The following KANTR variants were observed in gnomAD, a reference collection of about 807,000 sequenced individuals.
KANTR encodes KANTR integral membrane protein.
chrX:53,129,259 G>GTGTGTGTGTGTA (rs1933331342), downstream of KANTR, among the ~76,000 whole-genome samples: 1 of 105,582 alleles, frequency 9.5e-6, no homozygotes, highest in Non-Finnish European at 2.0e-5. Context: ...GTGTGTGTGT[G>GTGTGTGTGTGTA]TGTGTGTGTT....
At chrX:53,113,324 C>CAAA in intron 2 of KANTR, 4 of 62,199 alleles carry the variant, frequency 6.4e-5, no homozygotes, top group East Asian at 4.9e-4. Flanking sequence ...AAAACACACA[C>CAAA]ACAAAAAAAA....
chrX:53,126,244 A>G (rs1167754503), exon 3 of KANTR: 1 of 111,133 alleles, frequency 9.0e-6, no homozygotes, highest in African/African-American at 3.3e-5. Flanking sequence ...CATGCTTTTC[A>G]TAATTTCTGG....
chrX:53,098,834 TC>T (rs1932866469), intron 1 of KANTR, among the ~76,000 whole-genome samples: 1 of 110,643 alleles, frequency 9.0e-6, no homozygotes, highest in Admixed American at 9.7e-5. Flanking sequence ...CAAGCAATCT[TC>T]CCACCTCAGC....
At chrX:53,102,720 C>T (rs1173422919) in intron 2 of KANTR, among the ~76,000 whole-genome samples, 2 of 111,266 alleles carry the variant, frequency 1.8e-5, no homozygotes, top group African/African-American at 3.3e-5. Flanking sequence ...CAGAATATAC[C>T]ATCAGCTACC....
chrX:53,113,941 C>G (rs1380702758), intron 2 of KANTR, among the ~76,000 whole-genome samples: 1 of 110,155 alleles, frequency 9.1e-6, no homozygotes, highest in Non-Finnish European at 1.9e-5. Flanking sequence ...CTCTGTCACC[C>G]AGGCTGGAGT....
downstream of KANTR, chrX:53,142,732 T>G (rs782137455): frequency 1.9e-4 from 82 of 424,039 alleles, no homozygotes; most frequent in African/African-American, 1.7e-3. Context: ...GCACATCTGC[T>G]CGCAGTCCAT....
At chrX:53,129,235 T>TTGTGTGTGTGTG (rs57493383), downstream of KANTR, among the ~76,000 whole-genome samples, 38,855 of 83,096 alleles carry the variant, frequency 0.47, 9,218 homozygotes, top group East Asian at 0.6. Flanking sequence ...GCCTGGCTAT[T>TTGTGTGTGTGTG]TGTGTGTGTG....
chrX:53,132,256 CATA>C (rs1933368280), downstream of KANTR, among the ~76,000 whole-genome samples: 1 of 111,756 alleles, frequency 8.9e-6, no homozygotes, highest in Non-Finnish European at 1.9e-5. Flanking sequence ...TCCTAAAATT[CATA>C]TGGAAAGGCA....
chrX:53,097,903 T>C (rs868977421), intron 1 of KANTR, among the ~76,000 whole-genome samples: 1 of 105,542 alleles, frequency 9.5e-6, no homozygotes, highest in Admixed American at 1.0e-4. Flanking sequence ...ATACAAAAAT[T>C]AGCTGGGTGT....
At chrX:53,122,892 C>A (rs1236322291) in intron 2 of KANTR, among the ~76,000 whole-genome samples, 1 of 111,149 alleles carries the variant, frequency 9.0e-6, no homozygotes, top group Non-Finnish European at 1.9e-5. Context: ...CTTTCTCAGG[C>A]TGTTCTTATT....
At chrX:53,129,298 C>T (rs1251739345), downstream of KANTR, among the ~76,000 whole-genome samples, 3 of 101,119 alleles carry the variant, frequency 3.0e-5, no homozygotes, top group South Asian at 9.2e-4. Context: ...ACTGTGTTAG[C>T]CAGGATGGTC....
intron 2 of KANTR, among the ~76,000 whole-genome samples, chrX:53,109,441 C>T (rs1370981479): frequency 1.8e-5 from 2 of 111,054 alleles, no homozygotes; most frequent in African/African-American, 6.6e-5. Flanking sequence ...TGTGCCACCA[C>T]ACCCTGCTAA....
exon 3 of KANTR, chrX:53,141,917 C>T: frequency 1.9e-6 from 1 of 522,643 alleles, no homozygotes; most frequent in East Asian, 1.2e-4. Context: ...AAAACATCAG[C>T]TAAGAAAGGA....
chrX:53,143,218 GGGA>G, downstream of KANTR: 2 of 666,292 alleles, frequency 3.0e-6, no homozygotes, highest in African/African-American at 2.1e-5. Context: ...CTCTTCTCCA[GGGA>G]GGAGGAGGAT....
intron 2 of KANTR, among the ~76,000 whole-genome samples, chrX:53,133,126 G>A (rs1933379723): frequency 9.1e-6 from 1 of 110,265 alleles, no homozygotes; most frequent in Non-Finnish European, 1.9e-5. Context: ...CCAGCACTTC[G>A]AAAGGCCGAG....
At chrX:53,116,557 A>C (rs1481370932) in intron 2 of KANTR, among the ~76,000 whole-genome samples, 1 of 111,824 alleles carries the variant, frequency 8.9e-6, no homozygotes, top group Non-Finnish European at 1.9e-5. Flanking sequence ...GAATTTGGTC[A>C]CCTTTTGGAT....
chrX:53,117,265 C>T (rs1457170479), intron 2 of KANTR, among the ~76,000 whole-genome samples: 2 of 111,259 alleles, frequency 1.8e-5, no homozygotes, highest in African/African-American at 3.3e-5. Flanking sequence ...GGGGACAGAG[C>T]GAGATTCCAT....
At chrX:53,103,215 A>G (rs1279394213) in intron 2 of KANTR, among the ~76,000 whole-genome samples, 1 of 110,261 alleles carries the variant, frequency 9.1e-6, no homozygotes, top group Non-Finnish European at 1.9e-5. Context: ...ACCTCAAGTG[A>G]TCTACCCGCC....
At chrX:53,104,004 T>C (rs1396212317) in intron 2 of KANTR, among the ~76,000 whole-genome samples, 4 of 110,777 alleles carry the variant, frequency 3.6e-5, no homozygotes, top group Non-Finnish European at 5.7e-5. Flanking sequence ...CGTTGCAACT[T>C]CATTGAGATG....
Sources: gnomAD v4.1 joint callset for allele counts (sites outside exome capture counted in the v4.1 genomes callset) on GRCh38, gnomAD v4.1.1 for gene constraint, MANE v1.5 for transcripts, NCBI Gene and HGNC (gene_info 2026-07-23, HGNC 2026-07-21) for gene names.